MEF2C: variants seen among roughly 807,000 people sequenced by gnomAD.
MEF2C encodes the protein myocyte enhancer factor 2C.
MEF2C carries 6 observed loss-of-function variants against 50.5 expected under a neutral mutation model. That is an observed-to-expected ratio of 0.12 (90% confidence interval 0.07 to 0.23). The LOEUF is 0.23. Ranked by LOEUF, MEF2C falls within the 10% of genes least tolerant of loss-of-function variation. The pLI, the probability that MEF2C is intolerant of heterozygous loss-of-function variation, is 1.00. For missense variants in MEF2C, 276 were observed against 605.0 expected, an observed-to-expected ratio of 0.46 and a Z score of 5.70; for synonymous variants, 183 against 228.0, an observed-to-expected ratio of 0.80 and a Z score of 1.78.
chr5:88,804,858 T>C, intron 2 of MEF2C, 57 bp from the exon 3 acceptor site: 1 of 1,403,748 alleles, frequency 7.1e-7, no homozygotes, highest in Non-Finnish European at 9.8e-7. Context: ...TGTGTGGTTT[T>C]TTTCTTTTCT....
chr5:88,863,378 AC>A (rs1472482680), intron 1 of MEF2C, among the ~76,000 whole-genome samples: 1 of 152,354 alleles, frequency 6.6e-6, no homozygotes, highest in East Asian at 1.9e-4. Context: ...TATACAGTTG[AC>A]GTCCAAGAAG....
chr5:88,896,779 T>G (rs1035314908), intron 1 of MEF2C, among the ~76,000 whole-genome samples: 9 of 152,232 alleles, frequency 5.9e-5, no homozygotes, highest in African/African-American at 2.2e-4. Context: ...TAGCAAAGGC[T>G]AAATAGCTAG....
At chr5:88,799,531 G>A (rs1274468562) in intron 3 of MEF2C, among the ~76,000 whole-genome samples, 1 of 152,294 alleles carries the variant, frequency 6.6e-6, no homozygotes, top group East Asian at 1.9e-4. Flanking sequence ...GCTATTTGCT[G>A]CATTTGCTTT....
intron 1 of MEF2C, among the ~76,000 whole-genome samples, chr5:88,860,619 G>A (rs1271360035): frequency 1.3e-5 from 2 of 152,130 alleles, no homozygotes; most frequent in Non-Finnish European, 2.9e-5. Context: ...GCCCCGCTCA[G>A]CAGAGCCTAG....
intron 1 of MEF2C, among the ~76,000 whole-genome samples, chr5:88,869,194 G>A (rs1331924842): frequency 2.1e-5 from 3 of 143,816 alleles, no homozygotes; most frequent in South Asian, 4.4e-4. Context: ...TCACAATCAC[G>A]TTATGTCTTA....
chr5:88,816,818 A>T (rs185934545), intron 2 of MEF2C, among the ~76,000 whole-genome samples: 3 of 152,026 alleles, frequency 2.0e-5, no homozygotes, highest in Non-Finnish European at 4.4e-5. Flanking sequence ...TTAAGAAATG[A>T]TACTAAGAAA....
chr5:88,850,022 G>T (rs1334912215), intron 1 of MEF2C, among the ~76,000 whole-genome samples: 1 of 152,006 alleles, frequency 6.6e-6, no homozygotes, highest in East Asian at 1.9e-4. Flanking sequence ...TGCCATGTTG[G>T]TGTGCTGCAC....
Position 88,747,462 on chromosome 5 carries a change from C to A in MEF2C, c.637+1608G>T, listed in dbSNP as rs1370211239. On this transcript the variant is annotated intron_variant, in intron 6 of 10. Coordinates refer to ENST00000504921, the MANE Select transcript of MEF2C (RefSeq NM_002397.5). Reference sequence around the variant, plus strand: ...CTCCCGGGTTCACGCCATTCTCCTGCCTCAGCCTCCCAAGTAGCTGGGACT... The same window carrying A: ...CTCCCGGGTTCACGCCATTCTCCTGACTCAGCCTCCCAAGTAGCTGGGACT... Among the ~76,000 whole-genome samples the A allele has an allele frequency of 3.1e-5, 2 of 64,194 alleles. 1 individual carries two copies. The highest frequency in any genetic ancestry group is 8.2e-5 in the Non-Finnish European group (2 of 24,450). The allele number at this position is 64,194 out of a possible 152,430, so 42.1% of individuals were successfully genotyped here. A position where few individuals can be genotyped will look rare whatever the true frequency, so the allele number is the denominator to read the frequency against.
chr5:88,785,052 A>T (rs913544897), intron 3 of MEF2C, among the ~76,000 whole-genome samples: 3 of 152,132 alleles, frequency 2.0e-5, no homozygotes, highest in African/African-American at 2.4e-5. Context: ...AAGGACCTTG[A>T]TTCTTCTAGC....
At chr5:88,845,580 TCA>T (rs1337488524) in intron 1 of MEF2C, among the ~76,000 whole-genome samples, 7 of 152,178 alleles carry the variant, frequency 4.6e-5, no homozygotes, top group Non-Finnish European at 1.0e-4. Flanking sequence ...ATCTTACGCA[TCA>T]CAGTTCCCTT....
At chr5:88,758,763 T>C (rs1048646155) in intron 4 of MEF2C, among the ~76,000 whole-genome samples, 1 of 152,166 alleles carries the variant, frequency 6.6e-6, no homozygotes, top group Non-Finnish European at 1.5e-5. Flanking sequence ...AGCTCGGAGC[T>C]GGGTGGCTCC....
chr5:88,809,699 A>G (rs1801994979), intron 2 of MEF2C, among the ~76,000 whole-genome samples: 1 of 152,094 alleles, frequency 6.6e-6, no homozygotes, highest in African/African-American at 2.4e-5. Flanking sequence ...TAGAAAAATA[A>G]TAGTAGATGT....
intron 1 of MEF2C, chr5:88,825,720 T>G (rs1256332189): frequency 3.0e-6 from 2 of 675,642 alleles, no homozygotes; most frequent in Non-Finnish European, 3.7e-6. Flanking sequence ...TAGTCTTACC[T>G]TAGAAGCAAG....
At chr5:88,734,147 T>C (rs1321028273) in intron 6 of MEF2C, 14 of 984,850 alleles carry the variant, frequency 1.4e-5, no homozygotes, top group East Asian at 1.1e-4. Context: ...GAATATGTTA[T>C]GAACTTAGTT....
intron 1 of MEF2C, among the ~76,000 whole-genome samples, chr5:88,871,157 G>T (rs770909605): frequency 6.6e-6 from 1 of 151,936 alleles, no homozygotes; most frequent in Non-Finnish European, 1.5e-5. Context: ...TTAAACTGAA[G>T]ATGAAGTTGT....
At position 88,729,243 on chromosome 5, in the gene MEF2C, T is replaced by C. The variant is rs1760325605; in HGVS notation, c.939A>G (p.Ser313=). The stretch of plus-strand genomic sequence containing the variant: ...CGGTACCATATGTTGTTGAAATGGC[T>C]GATGGATATCCTCCCATTCCTTGTC... ...LPGQGMGGYP[S]AISTTYGTEY... is the part of the protein sequence containing the mutation. Residue 313 remains serine (S), a synonymous_variant, in exon 9 of 11, where the codon TCA becomes TCG. Transcript: ENST00000504921. The C allele has an allele frequency of 6.2e-7, 1 of 1,613,322 alleles. No individual in the cohort carries two copies. The highest frequency in any genetic ancestry group is 8.5e-7 in the Non-Finnish European group (1 of 1,179,418).
chr5:88,799,899 CACACACACACACACAGAG>C (rs1250806303), intron 3 of MEF2C, among the ~76,000 whole-genome samples: 26 of 94,040 alleles, frequency 2.8e-4, no homozygotes, highest in African/African-American at 7.3e-4. Flanking sequence ...CACACACACA[CACACACACACACACAGAG>C]AGAGAGACAC....
chr5:88,897,719 C>A (rs1835260097), intron 1 of MEF2C, among the ~76,000 whole-genome samples: 1 of 152,044 alleles, frequency 6.6e-6, no homozygotes, highest in Non-Finnish European at 1.5e-5. Flanking sequence ...TTATAGCAGA[C>A]AATACATTTT....
At chr5:88,725,558 G>T (rs1041542763) in intron 10 of MEF2C, among the ~76,000 whole-genome samples, 1 of 151,968 alleles carries the variant, frequency 6.6e-6, no homozygotes, top group South Asian at 2.1e-4. Flanking sequence ...CATATGTGTG[G>T]GTGGGTGATA....
Sources: gnomAD v4.1 joint callset for allele counts (sites outside exome capture counted in the v4.1 genomes callset) on GRCh38, gnomAD v4.1.1 for gene constraint, MANE v1.5 for transcripts, NCBI Gene and HGNC (gene_info 2026-07-23, HGNC 2026-07-21) for gene names.